The following TMEM244 variants were observed in gnomAD, a reference collection of about 807,000 sequenced individuals.
The protein encoded by TMEM244 is putative transmembrane protein 244.
In TMEM244, 13 loss-of-function variants were observed where a neutral mutation model predicts 15.8. The observed-to-expected ratio is 0.82, with a 90% CI of 0.53 to 1.30. TMEM244 has a LOEUF of 1.30. TMEM244 is among the 50% of genes most tolerant of loss of function. The pLI is 0.00. For missense variants in TMEM244, 161 were observed against 144.9 expected (o/e 1.11, Z -0.57); for synonymous variants, 45 against 48.7 (o/e 0.92, Z 0.32).
rs1355422987 is a variant in TMEM244 at position 129,833,498 on chromosome 6, A to G, written c.281T>C (p.Ile94Thr). 6.2e-7 allele frequency: 1 copy of G among 1,613,344 alleles called. No homozygotes were observed. Residue 94 changes from isoleucine (I) to threonine (T), a missense_variant, in exon 4 of 5, where the codon ATT (isoleucine) becomes ACT (threonine). Transcript: ENST00000368143. ...VVEEWVWDYA[I>T]SVTILHVAIT... ...GGCAACATGAAGAATAGTGACTGAAATAGCATAATCCCAAACCCATTCTTC... is the reference window on the plus strand; with the variant it reads ...GGCAACATGAAGAATAGTGACTGAAGTAGCATAATCCCAAACCCATTCTTC...
chr6:129,842,063 C>T (rs964027351), intron 3 of TMEM244, among the ~76,000 whole-genome samples: 6 of 152,104 alleles, frequency 3.9e-5, no homozygotes, highest in African/African-American at 1.4e-4. Flanking sequence ...GTAAACTCTG[C>T]CAGCCATTTT....
At chr6:129,837,623 G>T (rs777355239) in intron 3 of TMEM244, among the ~76,000 whole-genome samples, 2 of 152,118 alleles carry the variant, frequency 1.3e-5, no homozygotes, top group African/African-American at 4.8e-5. Context: ...AAAATATACA[G>T]ACTGGCAAAT....
chr6:129,860,935 G>A (rs1048385930), intron 1 of TMEM244, among the ~76,000 whole-genome samples: 3 of 152,072 alleles, frequency 2.0e-5, no homozygotes, highest in East Asian at 1.9e-4. Context: ...TCTAAACAGC[G>A]ACTATTTACA....
intron 3 of TMEM244, among the ~76,000 whole-genome samples, chr6:129,834,635 A>C (rs1776378149): frequency 2.0e-5 from 3 of 152,206 alleles, no homozygotes; most frequent in African/African-American, 7.2e-5. Context: ...AAGGCCTCAC[A>C]CATATTCCTC....
chr6:129,831,403 A>G lies in TMEM244; in HGVS notation c.320-17T>C. The stretch of plus-strand genomic sequence containing the variant: ...CCAACATAACTGCAATAGAAAAAAA[A>G]TGTTTAATTTCAAAACATGCGTTTT... On this transcript the variant is annotated splice_polypyrimidine_tract_variant and intron_variant, in intron 4 of 4. Coordinates refer to ENST00000368143, the MANE Select transcript of TMEM244 (RefSeq NM_001010876.2). 1 of 1,540,156 alleles carries G rather than the reference A, an allele frequency of 6.5e-7. No homozygotes were observed. The highest frequency in any genetic ancestry group is 9.0e-7 in the Non-Finnish European group (1 of 1,112,344).
At chr6:129,834,776 C>T (rs1357441954) in intron 3 of TMEM244, among the ~76,000 whole-genome samples, 3 of 152,184 alleles carry the variant, frequency 2.0e-5, no homozygotes, top group Admixed American at 6.5e-5. Flanking sequence ...CACCTAATAT[C>T]CAGGAAAGAA....
At chr6:129,843,495 A>T (rs1323076225) in intron 3 of TMEM244, 35 bp downstream of exon 3, 2 of 1,487,428 alleles carry the variant, frequency 1.3e-6, no homozygotes, top group Non-Finnish European at 9.3e-7. Flanking sequence ...CATTTAGTTC[A>T]CTAATTGATA....
At chr6:129,835,500 G>T (rs1361637246) in intron 3 of TMEM244, among the ~76,000 whole-genome samples, 1 of 152,086 alleles carries the variant, frequency 6.6e-6, no homozygotes, top group Non-Finnish European at 1.5e-5. Flanking sequence ...GCAGAAGATG[G>T]GTGATTTCTG....
chr6:129,856,511 A>T (rs1269047257), intron 1 of TMEM244, among the ~76,000 whole-genome samples: 1 of 152,184 alleles, frequency 6.6e-6, no homozygotes, highest in Non-Finnish European at 1.5e-5. Flanking sequence ...AGGAAACTTT[A>T]TAATGTTTAC....
At chr6:129,840,146 A>C (rs998015758) in intron 3 of TMEM244, among the ~76,000 whole-genome samples, 1 of 152,238 alleles carries the variant, frequency 6.6e-6, no homozygotes, top group Non-Finnish European at 1.5e-5. Flanking sequence ...AAAAGAACAA[A>C]GCTGGAGGCA....
At chr6:129,838,385 A>C (rs1158966263) in intron 3 of TMEM244, among the ~76,000 whole-genome samples, 6 of 152,228 alleles carry the variant, frequency 3.9e-5, no homozygotes, top group Admixed American at 3.9e-4. Context: ...CTTTGAAACC[A>C]ATGAGAACAA....
chr6:129,832,323 C>T (rs1034598316), intron 4 of TMEM244, among the ~76,000 whole-genome samples: 8 of 152,064 alleles, frequency 5.3e-5, no homozygotes, highest in Non-Finnish European at 8.8e-5. Flanking sequence ...GTCTTCAACT[C>T]CTGACCTCAG....
Position 129,852,225 on chromosome 6 carries a change from A to AT in TMEM244, c.34-6374dup, listed in dbSNP as rs35168552. Among the ~76,000 whole-genome samples the AT allele has an allele frequency of 3.9e-5, 6 of 152,006 alleles. No homozygotes were observed. In the South Asian group the frequency reaches 6.2e-4, roughly 16 times the overall value. On this transcript the variant is annotated intron_variant, in intron 1 of 4. Transcript: ENST00000368143. ...GCATATGTTTACTTTTTTGGTAATA[A>AT]TTTTTTTTAAAAAATAAATTTATTC...
chr6:129,842,241 A>C (rs1776501416), intron 3 of TMEM244, among the ~76,000 whole-genome samples: 1 of 152,164 alleles, frequency 6.6e-6, no homozygotes, highest in Admixed American at 6.5e-5. Flanking sequence ...CTCTACCCAA[A>C]ACACACACAT....
At position 129,831,405 on chromosome 6, in the gene TMEM244, G is replaced by A; in HGVS notation, c.320-19C>T. 6.5e-7 allele frequency: 1 copy of A among 1,529,718 alleles called. No homozygotes were observed. Among genetic ancestry groups the A allele is most frequent in the Middle Eastern group, 1.7e-4 (1 of 5,926 alleles). 94.8% of individuals were successfully genotyped at this position (1,529,718 alleles called of 1,614,324 possible). A position where few individuals can be genotyped will look rare whatever the true frequency, so the allele number is the denominator to read the frequency against. ...AACATAACTGCAATAGAAAAAAAATGTTTAATTTCAAAACATGCGTTTTTA... is the reference window on the plus strand; with the variant it reads ...AACATAACTGCAATAGAAAAAAAATATTTAATTTCAAAACATGCGTTTTTA... On this transcript the variant is annotated intron_variant, in intron 4 of 4. Coordinates refer to ENST00000368143, the MANE Select transcript of TMEM244 (RefSeq NM_001010876.2).
chr6:129,857,088 T>C (rs1036167540), intron 1 of TMEM244, among the ~76,000 whole-genome samples: 2 of 152,056 alleles, frequency 1.3e-5, no homozygotes, highest in Non-Finnish European at 2.9e-5. Flanking sequence ...ATTGTTTGTG[T>C]GTAGAAAGGC....
rs534393177 is a variant in TMEM244, at chr6:129,848,232, G to C, written c.34-2380C>G. Among the ~76,000 whole-genome samples the C allele has an allele frequency of 1.1e-4, 17 of 152,166 alleles. No individual in the cohort carries two copies. The East Asian group carries it at 3.1e-3, about 28-fold the overall frequency. The stretch of plus-strand genomic sequence containing the variant: ...CTGACACAACATGATTTTTAAAAAG[G>C]AATAAAAGGATGTGTGCAAAAGAGA... On this transcript the variant is annotated intron_variant, in intron 1 of 4. Transcript: ENST00000368143.
At chr6:129,848,259 A>G (rs921248854) in intron 1 of TMEM244, among the ~76,000 whole-genome samples, 8 of 152,336 alleles carry the variant, frequency 5.3e-5, no homozygotes, top group Non-Finnish European at 1.0e-4. Flanking sequence ...CAAAAGAGAC[A>G]TTCTTCCCAC....
intron 1 of TMEM244, among the ~76,000 whole-genome samples, chr6:129,849,949 T>A (rs1285651486): frequency 6.6e-6 from 1 of 152,192 alleles, no homozygotes; most frequent in African/African-American, 2.4e-5. Flanking sequence ...ACAACACTTA[T>A]TTTAGGTTTT....
Sources: gnomAD v4.1 joint callset for allele counts (sites outside exome capture counted in the v4.1 genomes callset) on GRCh38, gnomAD v4.1.1 for gene constraint, MANE v1.5 for transcripts, NCBI Gene and HGNC (gene_info 2026-07-23, HGNC 2026-07-21) for gene names.